The following ROBO1 variants were observed in gnomAD, a reference collection of about 807,000 sequenced individuals.
ROBO1 encodes roundabout homolog 1.
In ROBO1, 149 loss-of-function variants were observed where a neutral mutation model predicts 195.9. The ratio of observed to expected loss-of-function variants is 0.76; its 90% CI spans 0.67 to 0.87. The LOEUF (loss-of-function observed/expected upper bound fraction) is 0.87. Among genes scored for constraint, ROBO1 ranks in the 40% least tolerant of loss-of-function variants. The pLI is 0.00. For missense variants in ROBO1, 1,933 were observed against 2,068.3 expected (o/e 0.93, Z 1.27); for synonymous variants, 816 against 733.2 (o/e 1.11, Z -1.82).
At chr3:79,627,040 GA>G (rs1366423506) in intron 1 of ROBO1, among the ~76,000 whole-genome samples, 2 of 152,142 alleles carry the variant, frequency 1.3e-5, no homozygotes, top group African/African-American at 4.8e-5. Flanking sequence ...TCATGGATAG[GA>G]AGAATCAATA....
At chr3:79,529,767 G>A (rs973784525) in intron 2 of ROBO1, among the ~76,000 whole-genome samples, 2 of 152,122 alleles carry the variant, frequency 1.3e-5, no homozygotes, top group Non-Finnish European at 2.9e-5. Flanking sequence ...ATACAGAGGG[G>A]ACTACTGTAT....
intron 4 of ROBO1, among the ~76,000 whole-genome samples, chr3:78,785,128 G>C (rs2083792756): frequency 6.6e-6 from 1 of 152,194 alleles, no homozygotes; most frequent in African/African-American, 2.4e-5. Context: ...AAAAAGGAGT[G>C]CTTTTGCATC....
chr3:79,466,184 T>C (rs1274825224), intron 2 of ROBO1, among the ~76,000 whole-genome samples: 1 of 152,166 alleles, frequency 6.6e-6, no homozygotes, highest in Non-Finnish European at 1.5e-5. Context: ...CTGCTTAATA[T>C]ACATACATAT....
chr3:79,528,020 G>A (rs1941505684), intron 2 of ROBO1: 1 of 20,612 alleles, frequency 4.9e-5, no homozygotes, highest in Non-Finnish European at 8.8e-5. Context: ...TTCTGAATGT[G>A]AGAGTTCAAA....
At chr3:79,418,087 C>T (rs140627298) in intron 2 of ROBO1, among the ~76,000 whole-genome samples, 34 of 152,164 alleles carry the variant, frequency 2.2e-4, no homozygotes, top group African/African-American at 8.2e-4. Context: ...TGATATTCAC[C>T]TAGAATGAAC....
intron 2 of ROBO1, among the ~76,000 whole-genome samples, chr3:79,406,338 A>C (rs1040401522): frequency 4.0e-5 from 6 of 151,802 alleles, no homozygotes; most frequent in African/African-American, 1.5e-4. Context: ...CAGGAGGCTG[A>C]GGTGAGATCT....
intron 2 of ROBO1, among the ~76,000 whole-genome samples, chr3:79,180,500 T>C (rs1367217901): frequency 6.6e-6 from 1 of 152,110 alleles, no homozygotes; most frequent in African/African-American, 2.4e-5. Flanking sequence ...CAACTGCCAA[T>C]CGAGGTGATA....
intron 8 of ROBO1, among the ~76,000 whole-genome samples, chr3:78,691,523 T>A (rs2081174653): frequency 6.6e-6 from 1 of 152,174 alleles, no homozygotes; most frequent in Admixed American, 6.5e-5. Flanking sequence ...GTTTTAAATT[T>A]AGATTATTTC....
intron 2 of ROBO1, among the ~76,000 whole-genome samples, chr3:79,200,567 C>G (rs757080324): frequency 1.3e-5 from 2 of 151,630 alleles, no homozygotes; most frequent in Non-Finnish European, 2.9e-5. Flanking sequence ...ACAGCCTGGA[C>G]AGTGTTACAA....
At chr3:79,572,685 G>C (rs1442518541) in intron 2 of ROBO1, among the ~76,000 whole-genome samples, 3 of 152,094 alleles carry the variant, frequency 2.0e-5, no homozygotes, top group Non-Finnish European at 2.9e-5. Context: ...TCAAGTTAAG[G>C]AAGAAGTAGT....
chr3:79,607,965 A>G (rs1944541514), intron 1 of ROBO1, among the ~76,000 whole-genome samples: 1 of 152,058 alleles, frequency 6.6e-6, no homozygotes, highest in Non-Finnish European at 1.5e-5. Flanking sequence ...TAAACAGAAT[A>G]TTGAAGCTAA....
intron 3 of ROBO1, among the ~76,000 whole-genome samples, chr3:78,973,015 C>T (rs568328996): frequency 6.6e-6 from 1 of 152,132 alleles, no homozygotes; most frequent in African/African-American, 2.4e-5. Context: ...GAAAAGAGAA[C>T]CAGAGCACAC....
chr3:79,059,368 C>A (rs897197050), intron 3 of ROBO1, among the ~76,000 whole-genome samples: 4 of 152,014 alleles, frequency 2.6e-5, no homozygotes, highest in Non-Finnish European at 4.4e-5. Context: ...CTGGGGGCTC[C>A]ACTGTAGTAA....
At chr3:79,054,985 C>T (rs756043553) in intron 3 of ROBO1, among the ~76,000 whole-genome samples, 5 of 152,130 alleles carry the variant, frequency 3.3e-5, no homozygotes, top group African/African-American at 1.2e-4. Context: ...TTGTCCACCT[C>T]CACAGTAGGG....
intron 4 of ROBO1, among the ~76,000 whole-genome samples, chr3:78,849,841 C>T (rs866877126): frequency 0.034 from 5,157 of 150,350 alleles, 149 homozygotes; most frequent in Non-Finnish European, 0.055. Flanking sequence ...TACACACACA[C>T]ACACACACAC....
In ROBO1 at chr3:78,973,436, T is replaced by C. The variant is rs966631547; in HGVS notation, c.173-34509A>G. 7.3e-4 allele frequency among the ~76,000 whole-genome samples: 107 copies of C among 146,824 alleles called. 1 individual carries two copies. Among genetic ancestry groups the C allele is most frequent in the Non-Finnish European group, 4.8e-4 (32 of 66,980 alleles). On this transcript the variant is annotated intron_variant, in intron 3 of 30. Transcript: ENST00000464233. The stretch of plus-strand genomic sequence containing the variant: ...ATATATATATGAAGCTATATATATA[T>C]AGAAGCTATACAAGAAGCTATATAT...
chr3:79,738,739 G>A (rs746394538), intron 1 of ROBO1, among the ~76,000 whole-genome samples: 5 of 152,116 alleles, frequency 3.3e-5, no homozygotes, highest in Admixed American at 6.6e-5. Flanking sequence ...TAAGGCTACT[G>A]CATTGTGTAT....
rs1702954599 is a variant in ROBO1, at chr3:79,727,025, T to C, written c.-51+40727A>G. On this transcript the variant is annotated intron_variant, in intron 1 of 30. Coordinates refer to ENST00000464233, the MANE Select transcript of ROBO1 (RefSeq NM_002941.4). Reference sequence around the variant, plus strand: ...TCTGCAGTGAAACATGAGTTTGCTGTAAATGACCTGTCATTAATGTCATGG... The same window carrying C: ...TCTGCAGTGAAACATGAGTTTGCTGCAAATGACCTGTCATTAATGTCATGG... Among the ~76,000 whole-genome samples, 4 of 152,338 alleles carry C rather than the reference T, an allele frequency of 2.6e-5. 1 individual carries two copies. The South Asian group carries it at 8.3e-4, about 32-fold the overall frequency.
chr3:78,617,299 C>T (rs1010941808), intron 27 of ROBO1, among the ~76,000 whole-genome samples: 5 of 151,788 alleles, frequency 3.3e-5, no homozygotes, highest in Admixed American at 2.6e-4. Flanking sequence ...ATCTAATTGA[C>T]TGTATGTATA....
Sources: gnomAD v4.1 joint callset for allele counts (sites outside exome capture counted in the v4.1 genomes callset) on GRCh38, gnomAD v4.1.1 for gene constraint, MANE v1.5 for transcripts, NCBI Gene and HGNC (gene_info 2026-07-23, HGNC 2026-07-21) for gene names.